Variants in ITPKB observed in about 807,000 individuals in gnomAD.
The protein encoded by ITPKB is inositol-trisphosphate 3-kinase B.
A neutral mutation model predicts 69.4 loss-of-function variants in ITPKB; 13 were observed. The ratio of observed to expected loss-of-function variants is 0.19; its 90% CI spans 0.12 to 0.30. ITPKB has a LOEUF of 0.30. Ranked by LOEUF, ITPKB falls within the 10% of genes least tolerant of loss-of-function variation. The pLI is 1.00. For synonymous variants in ITPKB, 584 were observed against 513.7 expected (o/e 1.14, Z -1.85); for missense variants, 1,240 against 1,250.5 (o/e 0.99, Z 0.13).
chr1:226,727,813 G>A (rs370007436), intron 2 of ITPKB, among the ~76,000 whole-genome samples: 9 of 152,248 alleles, frequency 5.9e-5, no homozygotes, highest in East Asian at 5.8e-4. Context: ...AGGGCCGGCC[G>A]TTACCCTTCA....
At chr1:226,685,769 G>A (rs945292642) in intron 2 of ITPKB, among the ~76,000 whole-genome samples, 1 of 152,190 alleles carries the variant, frequency 6.6e-6, no homozygotes, top group Non-Finnish European at 1.5e-5. Context: ...ATGGACACAT[G>A]AGTTAACTAA....
Position 226,642,032 on chromosome 1 carries a change from G to A in ITPKB, c.2340C>T (p.Ala780=), listed in dbSNP as rs763351019. 5.7e-5 allele frequency: 92 copies of A among 1,614,140 alleles called. No individual in the cohort carries two copies. Among genetic ancestry groups the A allele is most frequent in the Non-Finnish European group, 7.5e-5 (89 of 1,180,024 alleles). ...GCTGTGCTTTTTCCTCCTCGGTGGGGGCCTCGGGGTCCACCTCGATCATCT... is the reference window on the plus strand; with the variant it reads ...GCTGTGCTTTTTCCTCCTCGGTGGGAGCCTCGGGGTCCACCTCGATCATCT... ...YQKMIEVDPE[A]PTEEEKAQRA... The change falls in exon 5 of 8, where the codon GCC becomes GCT. Residue 780 remains alanine (A), a synonymous_variant. Coordinates refer to ENST00000429204, the MANE Select transcript of ITPKB (RefSeq NM_002221.4). This position sits in a 1 kb window ranked among gnomAD's most constrained non-coding sequence, Gnocchi z 6.4.
intron 2 of ITPKB, among the ~76,000 whole-genome samples, chr1:226,708,661 G>A (rs1349655102): frequency 6.6e-6 from 1 of 152,246 alleles, no homozygotes; most frequent in Non-Finnish European, 1.5e-5. Flanking sequence ...AACACGTTGT[G>A]AGACAGGGCA....
At chr1:226,648,120 AG>A (rs1461380857) in intron 3 of ITPKB, among the ~76,000 whole-genome samples, 1 of 151,908 alleles carries the variant, frequency 6.6e-6, no homozygotes, top group Non-Finnish European at 1.5e-5. Flanking sequence ...GCCTGGACTC[AG>A]CTCCTAGCCA....
intron 2 of ITPKB, among the ~76,000 whole-genome samples, chr1:226,649,312 CAT>C (rs955022628): frequency 7.7e-5 from 11 of 142,990 alleles, no homozygotes; most frequent in East Asian, 2.1e-4. Context: ...TGTGTGTGTG[CAT>C]ATGTGTGCAT....
intron 2 of ITPKB, among the ~76,000 whole-genome samples, chr1:226,698,456 T>C (rs1400957013): frequency 6.6e-6 from 1 of 152,180 alleles, no homozygotes; most frequent in East Asian, 1.9e-4. Flanking sequence ...GACTGGAAAG[T>C]GTGTGCCTTC....
intron 2 of ITPKB, among the ~76,000 whole-genome samples, chr1:226,712,579 G>A (rs554599914): frequency 2.0e-5 from 3 of 152,306 alleles, no homozygotes; most frequent in Admixed American, 6.5e-5. Context: ...GGTGGTCACC[G>A]TGAAGGGAGC....
chr1:226,728,983 AT>A (rs761792621), intron 2 of ITPKB, among the ~76,000 whole-genome samples: 1 of 151,970 alleles, frequency 6.6e-6, no homozygotes, highest in African/African-American at 2.4e-5. Flanking sequence ...TGCAGCAGGG[AT>A]TTTTTCTCTC....
chr1:226,669,398 A>G (rs1669569081), intron 2 of ITPKB, among the ~76,000 whole-genome samples: 1 of 137,636 alleles, frequency 7.3e-6, no homozygotes, highest in Non-Finnish European at 1.5e-5. Context: ...ACTCTGTCTC[A>G]AAAAAAAAAA....
chr1:226,683,597 T>C (rs569731071), intron 2 of ITPKB, among the ~76,000 whole-genome samples: 1 of 152,244 alleles, frequency 6.6e-6, no homozygotes, highest in African/African-American at 2.4e-5. Flanking sequence ...ATAAGACATC[T>C]GTGAAGTGGA....
chr1:226,640,047 C>G lies in ITPKB; in HGVS notation c.2452-389G>C, dbSNP rs191846055. On this transcript the variant is annotated intron_variant, in intron 5 of 7. Transcript: ENST00000429204. ...CCACTCTGGGGCCCGGGCCCTGGAACCGGTGCCCGGAGGTCCCTGCCCGCC... is the reference window on the plus strand; with the variant it reads ...CCACTCTGGGGCCCGGGCCCTGGAAGCGGTGCCCGGAGGTCCCTGCCCGCC... Among the ~76,000 whole-genome samples the G allele has an allele frequency of 5.3e-3, 813 of 152,292 alleles. 3 individuals carry two copies. Among genetic ancestry groups the G allele is most frequent in the Middle Eastern group, 0.017 (5 of 294 alleles).
chr1:226,671,810 C>G (rs1669623453), intron 2 of ITPKB, among the ~76,000 whole-genome samples: 1 of 152,134 alleles, frequency 6.6e-6, no homozygotes. Context: ...GTGTGGGCAG[C>G]TTCAAAGGCC....
At chr1:226,719,872 C>T (rs575992970) in intron 2 of ITPKB, among the ~76,000 whole-genome samples, 4 of 152,346 alleles carry the variant, frequency 2.6e-5, no homozygotes, top group South Asian at 4.1e-4. Flanking sequence ...CTGCCCTTCT[C>T]CCTGTGGGAG....
intron 2 of ITPKB, among the ~76,000 whole-genome samples, chr1:226,719,903 C>G (rs910769771): frequency 6.6e-6 from 1 of 152,214 alleles, no homozygotes; most frequent in Non-Finnish European, 1.5e-5. Flanking sequence ...TCCCTGGGGA[C>G]CCGGATTACA....
intron 2 of ITPKB, among the ~76,000 whole-genome samples, chr1:226,694,344 A>G (rs1038568996): frequency 6.6e-6 from 1 of 152,224 alleles, no homozygotes; most frequent in African/African-American, 2.4e-5. Flanking sequence ...ACAGACCCTT[A>G]AGAACATTGG....
At chr1:226,706,814 TG>T (rs1260106341) in intron 2 of ITPKB, among the ~76,000 whole-genome samples, 1 of 152,236 alleles carries the variant, frequency 6.6e-6, no homozygotes, top group African/African-American at 2.4e-5. Context: ...TCTGGCTTTC[TG>T]GGCCTGGGTG....
chr1:226,739,217 G>A lies in ITPKB; in HGVS notation c.-382C>T, dbSNP rs1272142383. ...GAAAGCTCTTCGGTTCAGGGGCCCGGCGATCCCGGCAGTGGCGACGCCAAG... is the reference window on the plus strand; with the variant it reads ...GAAAGCTCTTCGGTTCAGGGGCCCGACGATCCCGGCAGTGGCGACGCCAAG... On this transcript the variant is annotated 5_prime_UTR_variant, in exon 1 of 8. Coordinates refer to ENST00000429204, the MANE Select transcript of ITPKB (RefSeq NM_002221.4). 1 of 152,200 alleles carries A rather than the reference G, an allele frequency of 6.6e-6. No homozygotes were observed. The highest frequency in any genetic ancestry group is 1.9e-4 in the East Asian group (1 of 5,198). The allele number at this position is 152,200 out of a possible 1,614,324, so 9.4% of individuals were successfully genotyped here.
At chr1:226,726,849 A>C (rs1288685041) in intron 2 of ITPKB, among the ~76,000 whole-genome samples, 1 of 152,216 alleles carries the variant, frequency 6.6e-6, no homozygotes, top group Non-Finnish European at 1.5e-5. Flanking sequence ...GCTGTAACAC[A>C]TAGCAAAACC....
rs1657823730 is a variant in ITPKB at position 226,737,342 on chromosome 1, C to T, written c.117G>A (p.Arg39=). ...SGSETPPPPR[R]AVLSPGSVFS... is the part of the protein sequence containing the mutation. ...AAACGCTGCCGGGGCTCAGCACTGC[C>T]CTCCTCGGGGGCGGGGGCGTCTCGC... Residue 39 remains arginine, a synonymous_variant, in exon 2 of 8, where the codon AGG becomes AGA. Coordinates refer to ENST00000429204, the MANE Select transcript of ITPKB (RefSeq NM_002221.4). 1 of 1,603,120 alleles carries T rather than the reference C, an allele frequency of 6.2e-7. No homozygotes were observed. The highest frequency in any genetic ancestry group is 1.3e-5 in the African/African-American group (1 of 74,758).
Sources: gnomAD v4.1 joint callset for allele counts (sites outside exome capture counted in the v4.1 genomes callset) on GRCh38, gnomAD v4.1.1 for gene constraint, Gnocchi (gnomAD v3.1) non-coding constraint, MANE v1.5 for transcripts, NCBI Gene and HGNC (gene_info 2026-07-23, HGNC 2026-07-21) for gene names.